NDFIP1: variants seen among roughly 807,000 people sequenced by gnomAD.
The protein encoded by NDFIP1 is Nedd4 family interacting protein 1, also known as NEDD4 family-interacting protein 1.
NDFIP1 carries 7 observed loss-of-function variants against 28.8 expected under a neutral mutation model. The observed-to-expected ratio is 0.24, with a 90% CI of 0.14 to 0.46. NDFIP1 has a LOEUF of 0.46. Among genes scored for constraint, NDFIP1 ranks in the 20% least tolerant of loss-of-function variants. NDFIP1 has a pLI of 0.99. For synonymous variants in NDFIP1, 92 were observed against 101.0 expected, an observed-to-expected ratio of 0.91 and a Z score of 0.53; for missense variants, 194 against 269.1, an observed-to-expected ratio of 0.72 and a Z score of 1.95.
At chr5:142,111,790 G>A (rs1757016813) in intron 1 of NDFIP1, among the ~76,000 whole-genome samples, 1 of 152,220 alleles carries the variant, frequency 6.6e-6, no homozygotes, top group African/African-American at 2.4e-5. Context: ...GGCTCAACCA[G>A]GTGTGGTGGC....
intron 1 of NDFIP1, among the ~76,000 whole-genome samples, chr5:142,116,372 CTT>C (rs1757068808): frequency 7.7e-6 from 1 of 129,764 alleles, no homozygotes; most frequent in Non-Finnish European, 1.7e-5. Context: ...CTCTCTCTCT[CTT>C]TCTTTCTTTC....
At chr5:142,116,508 A>G (rs1757070395) in intron 1 of NDFIP1, among the ~76,000 whole-genome samples, 1 of 151,958 alleles carries the variant, frequency 6.6e-6, no homozygotes, top group South Asian at 2.1e-4. Context: ...AGCTGGGACT[A>G]CAGGTGCCCG....
chr5:142,124,908 C>T (rs1757155865), intron 1 of NDFIP1, among the ~76,000 whole-genome samples: 1 of 152,020 alleles, frequency 6.6e-6, no homozygotes, highest in African/African-American at 2.4e-5. Context: ...TCACTGCAAG[C>T]TCCACCTCCC....
rs1256615198 is a variant in NDFIP1 at position 142,122,985 on chromosome 5, C to T, written c.64-8823C>T. On this transcript the variant is annotated intron_variant, in intron 1 of 7. Transcript: ENST00000253814. ...TTTTGGTTTTGTTTTGTGTTTTAGG[C>T]AGAGTCTCGCTCTGTTGCCCAGGCT... 2.0e-5 allele frequency among the ~76,000 whole-genome samples: 3 copies of T among 152,198 alleles called. No individual in the cohort carries two copies. The East Asian group carries it at 5.8e-4, about 29-fold the overall frequency.
At chr5:142,140,486 G>T in intron 5 of NDFIP1, 77 bp from the exon 6 acceptor site, 6 of 1,113,722 alleles carry the variant, frequency 5.4e-6, no homozygotes, top group South Asian at 1.4e-5. Context: ...TGCATTTTGT[G>T]ATTTTGTGTA....
intron 5 of NDFIP1, among the ~76,000 whole-genome samples, chr5:142,139,966 A>T (rs1034163587): frequency 1.3e-5 from 2 of 152,240 alleles, no homozygotes; most frequent in African/African-American, 4.8e-5. Flanking sequence ...TGTTTTCTAA[A>T]AAAACCAATT....
intron 6 of NDFIP1, 170 bp from the exon 7 acceptor site, chr5:142,144,401 A>T: frequency 1.7e-6 from 1 of 576,290 alleles, no homozygotes; most frequent in Admixed American, 3.0e-5. Context: ...TCATTGAAGG[A>T]TGGATAATTT....
Position 142,140,607 on chromosome 5 carries a change from C to T in NDFIP1, c.540C>T (p.Leu180=), listed in dbSNP as rs763273653. Reference sequence around the variant, plus strand: ...GATATTTTGATGGTCAGTACTGGCTCTGGTGGGTGTTCCTTGTTTTAGGTA... The same window carrying T: ...GATATTTTGATGGTCAGTACTGGCTTTGGTGGGTGTTCCTTGTTTTAGGTA... The part of the protein sequence containing the change: ...FPGYFDGQYW[L]WWVFLVLGFL... The change falls in exon 6 of 8, where the codon CTC becomes CTT. Residue 180 remains leucine, a synonymous_variant. Coordinates refer to ENST00000253814, the MANE Select transcript of NDFIP1 (RefSeq NM_030571.4). 1 of 1,612,528 alleles carries T rather than the reference C, an allele frequency of 6.2e-7. No individual in the cohort carries two copies. Among genetic ancestry groups the T allele is most frequent in the East Asian group, 2.2e-5 (1 of 44,818 alleles).
chr5:142,109,291 C>T (rs1756986845), intron 1 of NDFIP1, among the ~76,000 whole-genome samples: 1 of 152,202 alleles, frequency 6.6e-6, no homozygotes. Flanking sequence ...CCGCATTTCC[C>T]AGGGCGGGCG....
chr5:142,117,796 C>T (rs189025461), intron 1 of NDFIP1, among the ~76,000 whole-genome samples: 18 of 145,736 alleles, frequency 1.2e-4, no homozygotes, highest in South Asian at 6.5e-4. Flanking sequence ...CACATAGTCT[C>T]GGCTCACTGC....
At chr5:142,131,693 G>T in intron 1 of NDFIP1, 115 bp from the exon 2 acceptor site, 1 of 687,444 alleles carries the variant, frequency 1.5e-6, no homozygotes, top group Non-Finnish European at 2.3e-6. Context: ...GCATTTCAAG[G>T]CTTTCAAAAT....
chr5:142,117,809 C>T (rs1757085203), intron 1 of NDFIP1, among the ~76,000 whole-genome samples: 1 of 149,018 alleles, frequency 6.7e-6, no homozygotes, highest in Non-Finnish European at 1.5e-5. Context: ...CTCACTGCAA[C>T]CCTCCATCTT....
At chr5:142,151,271 A>T (rs776344754) in intron 7 of NDFIP1, among the ~76,000 whole-genome samples, 2 of 152,192 alleles carry the variant, frequency 1.3e-5, no homozygotes, top group Non-Finnish European at 2.9e-5. Context: ...ATAGCATGAC[A>T]TGGTTGGCAT....
At chr5:142,131,768 T>C in intron 1 of NDFIP1, 40 bp from the exon 2 acceptor site, 2 of 1,470,382 alleles carry the variant, frequency 1.4e-6, no homozygotes, top group African/African-American at 1.4e-5. Flanking sequence ...TCTTTCTAAT[T>C]GGCTTTATGC....
At chr5:142,137,599 G>C in intron 4 of NDFIP1, 135 bp from the exon 5 acceptor site, 2 of 977,902 alleles carry the variant, frequency 2.0e-6, no homozygotes, top group South Asian at 1.8e-5. Flanking sequence ...TTTTAGAGGA[G>C]GTATGGTGAC....
chr5:142,109,504 G>A (rs768341254), intron 1 of NDFIP1, among the ~76,000 whole-genome samples: 28 of 152,212 alleles, frequency 1.8e-4, no homozygotes, highest in Non-Finnish European at 3.7e-4. Flanking sequence ...GGGTTTCAGA[G>A]CCTAGTTTGT....
chr5:142,132,378 C>T (rs2126917996), intron 3 of NDFIP1, 36 bp downstream of exon 3: 2 of 1,592,610 alleles, frequency 1.3e-6, no homozygotes, highest in South Asian at 1.2e-5. Flanking sequence ...GATGGCTGCT[C>T]TGTGGGAATT....
chr5:142,132,680 G>A (rs956445391), intron 3 of NDFIP1, among the ~76,000 whole-genome samples: 1 of 152,156 alleles, frequency 6.6e-6, no homozygotes, highest in Admixed American at 6.5e-5. Flanking sequence ...ATAGCTGCTA[G>A]GGAGGTCTAG....
At chr5:142,118,387 T>G in intron 1 of NDFIP1, among the ~76,000 whole-genome samples, 1 of 152,196 alleles carries the variant, frequency 6.6e-6, no homozygotes, top group Non-Finnish European at 1.5e-5. Context: ...GTCAGGTCTT[T>G]GTAGAATGTC....
Sources: allele counts gnomAD v4.1 joint callset (sites outside exome capture counted in the v4.1 genomes callset), GRCh38; gene constraint gnomAD v4.1.1; transcripts MANE v1.5; gene names NCBI Gene and HGNC (gene_info 2026-07-23, HGNC 2026-07-21).